PDE1A: variants seen among roughly 807,000 people sequenced by gnomAD.
The protein encoded by PDE1A is phosphodiesterase 1A.
PDE1A carries 35 observed loss-of-function variants against 61.7 expected under a neutral mutation model. The ratio of observed to expected loss-of-function variants is 0.57; its 90% CI spans 0.43 to 0.75. PDE1A has a LOEUF of 0.75. Among genes scored for constraint, PDE1A ranks in the 30% least tolerant of loss-of-function variants. PDE1A has a pLI of 0.00. For synonymous variants in PDE1A, 232 were observed against 213.2 expected (o/e 1.09, Z -0.77); for missense variants, 597 against 630.6 (o/e 0.95, Z 0.57).
the PDE1A span, among the ~76,000 whole-genome samples, chr2:182,602,741 G>C: frequency 6.6e-6 from 1 of 152,106 alleles, no homozygotes; most frequent in African/African-American, 2.4e-5. Flanking sequence ...TAGAATAGTG[G>C]AAGAACAGGC....
At chr2:182,662,424 C>T in the PDE1A span, among the ~76,000 whole-genome samples, 1 of 151,626 alleles carries the variant, frequency 6.6e-6, no homozygotes, top group Admixed American at 6.6e-5. Flanking sequence ...CATCACACTA[C>T]CCTGCTTCAA....
chr2:182,166,848 A>G (rs966356538), downstream of PDE1A, among the ~76,000 whole-genome samples: 1 of 152,196 alleles, frequency 6.6e-6, no homozygotes, highest in Non-Finnish European at 1.5e-5. Flanking sequence ...AGCCATTCTT[A>G]GCTAATTAAT....
upstream of PDE1A, among the ~76,000 whole-genome samples, chr2:182,527,090 G>GA (rs1214534117): frequency 6.8e-6 from 1 of 147,980 alleles, no homozygotes; most frequent in African/African-American, 2.5e-5. Flanking sequence ...GAAGTAAAAA[G>GA]AATTTTTTTA....
chr2:182,413,735 T>G (rs540847090), intron 1 of PDE1A, among the ~76,000 whole-genome samples: 1 of 152,324 alleles, frequency 6.6e-6, no homozygotes, highest in Non-Finnish European at 1.5e-5. Flanking sequence ...TATCTTTGCC[T>G]TAAATATTTA....
the PDE1A span, among the ~76,000 whole-genome samples, chr2:182,564,617 A>G: frequency 6.6e-6 from 1 of 152,034 alleles, no homozygotes; most frequent in African/African-American, 2.4e-5. Flanking sequence ...TAGATTGGGG[A>G]AGTTCTCCTG....
intron 8 of PDE1A, among the ~76,000 whole-genome samples, chr2:182,204,508 C>T (rs928572397): frequency 2.6e-5 from 4 of 152,254 alleles, no homozygotes; most frequent in Non-Finnish European, 4.4e-5. Flanking sequence ...CCTCAGCCCA[C>T]TCCACATAAA....
At chr2:182,508,967 C>CA (rs1456335131) in intron 2 of PDE1A, among the ~76,000 whole-genome samples, 1 of 134,574 alleles carries the variant, frequency 7.4e-6, no homozygotes, top group Non-Finnish European at 1.6e-5. Flanking sequence ...CCCCTACCCC[C>CA]AGCCCACAAC....
intron 1 of PDE1A, among the ~76,000 whole-genome samples, chr2:182,361,415 C>T (rs1333810347): frequency 1.3e-5 from 2 of 151,810 alleles, no homozygotes; most frequent in Non-Finnish European, 2.9e-5. Context: ...CATTTTTTCC[C>T]CAAAGGATTT....
In PDE1A at chr2:182,426,663, C is replaced by T. The variant is rs139341841; in HGVS notation, c.-33G>A. ...TGAAGGTTTAACTTCTTCCTGGAAA[C>T]CACTCCAGAAACTCCAGAGAGGAAA... On this transcript the variant is annotated 5_prime_UTR_variant, in exon 1 of 14. Transcript: ENST00000351439. 4.6e-4 allele frequency: 747 copies of T among 1,612,304 alleles called. 13 individuals carry two copies. In the East Asian group the frequency reaches 0.011, roughly 24 times the overall value.
At chr2:182,647,280 G>A in the PDE1A span, among the ~76,000 whole-genome samples, 1 of 152,166 alleles carries the variant, frequency 6.6e-6, no homozygotes, top group Non-Finnish European at 1.5e-5. Context: ...TTGCACAGAT[G>A]AGGGATCTTG....
chr2:182,147,816 A>G (rs1690573875), intron 13 of PDE1A, among the ~76,000 whole-genome samples: 1 of 152,338 alleles, frequency 6.6e-6, no homozygotes, highest in South Asian at 2.1e-4. Flanking sequence ...TACTTGAAAT[A>G]TCTTGAGAGT....
chr2:182,374,329 C>T lies in PDE1A; in HGVS notation c.53+52249G>A, dbSNP rs142460507. On this transcript the variant is annotated intron_variant, in intron 1 of 13. Coordinates refer to ENST00000351439, the Ensembl canonical transcript of PDE1A. ...CTCACACCATAGATAAGAATTATTT[C>T]AAGATGAATCAAAAACCTACACATA... Among the ~76,000 whole-genome samples the T allele has an allele frequency of 4.6e-3, 695 of 151,878 alleles. 5 individuals are homozygous for T. The highest frequency in any genetic ancestry group is 0.029 in the South Asian group (140 of 4,802).
At chr2:182,604,470 G>C in the PDE1A span, among the ~76,000 whole-genome samples, 1 of 152,022 alleles carries the variant, frequency 6.6e-6, no homozygotes, top group South Asian at 2.1e-4. Context: ...CAGAGAAATG[G>C]AAAAAAGTAC....
chr2:182,633,673 TC>T, the PDE1A span, among the ~76,000 whole-genome samples: 1 of 152,320 alleles, frequency 6.6e-6, no homozygotes, highest in African/African-American at 2.4e-5. Flanking sequence ...TGCCCCTATT[TC>T]AGATATTCTC....
At chr2:182,602,208 C>T in the PDE1A span, among the ~76,000 whole-genome samples, 74 of 152,332 alleles carry the variant, frequency 4.9e-4, no homozygotes, top group South Asian at 4.8e-3. Flanking sequence ...GTGCAGGATG[C>T]GTGAGTCTGC....
chr2:182,208,477 C>T (rs985472374), intron 7 of PDE1A, among the ~76,000 whole-genome samples: 2 of 152,192 alleles, frequency 1.3e-5, no homozygotes, highest in African/African-American at 2.4e-5. Context: ...CAACAGGTCC[C>T]TCCCTCAAAA....
chr2:182,697,062 G>A, the PDE1A span, among the ~76,000 whole-genome samples: 1 of 152,026 alleles, frequency 6.6e-6, no homozygotes, highest in East Asian at 1.9e-4. Flanking sequence ...ATGTCAAAAG[G>A]CCAAATTGCA....
chr2:182,455,131 A>T (rs1282355837), intron 2 of PDE1A, among the ~76,000 whole-genome samples: 1 of 152,020 alleles, frequency 6.6e-6, no homozygotes, highest in Non-Finnish European at 1.5e-5. Context: ...GAAGACATTT[A>T]TGCAGCCAAA....
At chr2:182,635,164 C>T in the PDE1A span, among the ~76,000 whole-genome samples, 1 of 150,230 alleles carries the variant, frequency 6.7e-6, no homozygotes, top group African/African-American at 2.4e-5. Flanking sequence ...TTGATCAATA[C>T]TAAGTTTCGG....
Sources: allele counts gnomAD v4.1 joint callset (sites outside exome capture counted in the v4.1 genomes callset), GRCh38; gene constraint gnomAD v4.1.1; transcripts MANE v1.5; gene names NCBI Gene and HGNC (gene_info 2026-07-23, HGNC 2026-07-21).